The following TOP1MT variants were observed in gnomAD, a reference collection of about 807,000 sequenced individuals.
TOP1MT encodes the protein DNA topoisomerase I, mitochondrial.
Under a neutral mutation model 73.9 loss-of-function variants are expected in TOP1MT, and 80 were observed. The ratio of observed to expected loss-of-function variants is 1.08; its 90% CI spans 0.90 to 1.30. The LOEUF (loss-of-function observed/expected upper bound fraction) is 1.30, where lower values mean the gene tolerates loss of function less well. Among genes scored for constraint, TOP1MT ranks in the 50% most tolerant of loss-of-function variants. TOP1MT has a pLI of 0.00. For synonymous variants in TOP1MT, 338 were observed against 326.4 expected, an observed-to-expected ratio of 1.04 and a Z score of -0.38; for missense variants, 815 against 808.0, an observed-to-expected ratio of 1.01 and a Z score of -0.10.
intron 1 of TOP1MT, among the ~76,000 whole-genome samples, chr8:143,352,627 T>G (rs1023783115): frequency 6.6e-6 from 1 of 152,206 alleles, no homozygotes; most frequent in African/African-American, 2.4e-5. Flanking sequence ...TCATGGTTTT[T>G]GGGTTGGTTG....
At chr8:143,347,692 C>CAGG (rs1563773691), upstream of TOP1MT, among the ~76,000 whole-genome samples, 5 of 22,228 alleles carry the variant, frequency 2.2e-4, no homozygotes, top group African/African-American at 3.4e-4. Context: ...AGGCAGGCAG[C>CAGG]CAGCCAGCCA....
upstream of TOP1MT, among the ~76,000 whole-genome samples, chr8:143,347,345 C>T (rs919262225): frequency 6.6e-6 from 1 of 152,176 alleles, no homozygotes; most frequent in African/African-American, 2.4e-5. Flanking sequence ...TTAGTAGAGA[C>T]AGGGTTTCAC....
At chr8:143,338,396 C>T (rs969692418), upstream of TOP1MT, among the ~76,000 whole-genome samples, 12 of 151,982 alleles carry the variant, frequency 7.9e-5, no homozygotes, top group African/African-American at 2.7e-4. Context: ...GGAGAAACCC[C>T]GTCTCTACTA....
At chr8:143,358,755 C>A (rs1817454152), upstream of TOP1MT, 1 of 152,118 alleles carries the variant, frequency 6.6e-6, no homozygotes, top group Non-Finnish European at 1.5e-5. Context: ...GCAGCAGGGA[C>A]ACTGCTGCAC....
At chr8:143,317,679 G>A in intron 10 of TOP1MT, 44 bp downstream of exon 10, 1 of 1,441,340 alleles carries the variant, frequency 6.9e-7, no homozygotes, top group Non-Finnish European at 9.2e-7. Context: ...TGGGGCAGGG[G>A]CCGTGCTCCC....
At chr8:143,345,338 A>T (rs1817202414), upstream of TOP1MT, among the ~76,000 whole-genome samples, 1 of 102,668 alleles carries the variant, frequency 9.7e-6, no homozygotes, top group South Asian at 4.1e-4. Flanking sequence ...GCAGGTCCAC[A>T]GGGCATCCCT....
rs1816379704 is a variant in TOP1MT at position 143,321,638 on chromosome 8, ACGC to A, written c.961-255_961-253del. ...CGCCACACGCACGCCACACACAGGCACGCCACACACAGGCACGCCACACACACG... is the reference window on the plus strand; with the variant it reads ...CGCCACACGCACGCCACACACAGGCACACACACAGGCACGCCACACACACG... On this transcript the variant is annotated intron_variant, in intron 7 of 13. Transcript: ENST00000329245. 8.8e-5 allele frequency among the ~76,000 whole-genome samples: 6 copies of A among 67,934 alleles called. 1 individual carries two copies. The East Asian group carries it at 4.6e-3, about 52-fold the overall frequency. The allele number at this position is 67,934 out of a possible 152,430, so 44.6% of individuals were successfully genotyped here.
rs1014411415 is a variant in TOP1MT at position 143,353,369 on chromosome 8, C to T, written c.-39+2596G>A. On this transcript the variant is annotated intron_variant, in intron 1 of 5. Coordinates refer to the TOP1MT transcript ENST00000518760. ...AGTTCAAGGCTGCAGTGAGCTATGA[C>T]GGTGTCACTGCACTCCAGCCTGGGC... 6.0e-5 allele frequency among the ~76,000 whole-genome samples: 9 copies of T among 150,418 alleles called. No individual in the cohort carries two copies. In the South Asian group the frequency reaches 1.9e-3, roughly 31 times the overall value.
chr8:143,325,560 A>G (rs766079725), intron 4 of TOP1MT, 27 bp from the exon 5 acceptor site: 13 of 1,594,110 alleles, frequency 8.2e-6, no homozygotes, highest in Non-Finnish European at 3.4e-6. Context: ...GTCAGTGGAC[A>G]TTAGCAGTGA....
intron 1 of TOP1MT, among the ~76,000 whole-genome samples, chr8:143,351,446 T>C (rs1039697044): frequency 8.6e-5 from 13 of 151,908 alleles, no homozygotes; most frequent in South Asian, 2.1e-4. Context: ...GAGTGACGCA[T>C]GCCTGTAATC....
chr8:143,310,259 A>G, intron 12 of TOP1MT, 42 bp from the exon 13 acceptor site: 1 of 1,435,520 alleles, frequency 7.0e-7, no homozygotes, highest in South Asian at 1.4e-5. Context: ...GCGCTGGACT[A>G]GCGCCACCTG....
upstream of TOP1MT, among the ~76,000 whole-genome samples, chr8:143,345,286 C>T (rs1380930963): frequency 6.6e-6 from 1 of 152,232 alleles, no homozygotes; most frequent in Non-Finnish European, 1.5e-5. Flanking sequence ...CACTGGCAGC[C>T]GAGGTCACCC....
chr8:143,321,844 C>CACACAG (rs1491335517), intron 7 of TOP1MT, among the ~76,000 whole-genome samples: 23 of 103,748 alleles, frequency 2.2e-4, no homozygotes, highest in African/African-American at 9.3e-4. Context: ...ACACGCCACA[C>CACACAG]GCACGCCACA....
intron 8 of TOP1MT, among the ~76,000 whole-genome samples, chr8:143,319,300 T>A (rs961744960): frequency 2.0e-5 from 3 of 152,080 alleles, no homozygotes; most frequent in African/African-American, 7.2e-5. Context: ...TTTATTTTTT[T>A]TTTTAATTTT....
intron 3 of TOP1MT, 64 bp downstream of exon 3, chr8:143,329,286 C>T: frequency 6.6e-7 from 1 of 1,504,778 alleles, no homozygotes; most frequent in South Asian, 1.4e-5. Flanking sequence ...GGCAGCACTG[C>T]AGAACCGCAG....
At chr8:143,355,870 A>C (rs1195771564) in intron 1 of TOP1MT, 1 of 152,334 alleles carries the variant, frequency 6.6e-6, no homozygotes, top group Non-Finnish European at 1.5e-5. Flanking sequence ...TCTCAGGACG[A>C]AAGCTGATCT....
intron 2 of TOP1MT, among the ~76,000 whole-genome samples, chr8:143,330,923 G>T (rs1259978683): frequency 2.2e-5 from 3 of 138,652 alleles, no homozygotes; most frequent in Non-Finnish European, 4.7e-5. Context: ...AACACACAGG[G>T]AACACAGTGG....
chr8:143,359,567 G>A (rs189355858), upstream of TOP1MT, among the ~76,000 whole-genome samples: 4 of 150,994 alleles, frequency 2.6e-5, no homozygotes, highest in Admixed American at 6.6e-5. Context: ...AGAGGACACC[G>A]AGCGGGAGGG....
At position 143,321,201 on chromosome 8, in the gene TOP1MT, C is replaced by A. The variant is rs374030470; in HGVS notation, c.1146G>T (p.Pro382=). The A allele has an allele frequency of 1.3e-6, 2 of 1,589,310 alleles. No homozygotes were observed. Among genetic ancestry groups the A allele is most frequent in the Non-Finnish European group, 1.7e-6 (2 of 1,164,276 alleles). Residue 382 remains proline, a splice_region_variant and synonymous_variant, in exon 8 of 14, where the codon CCG becomes CCT. Coordinates refer to ENST00000329245, the MANE Select transcript of TOP1MT (RefSeq NM_052963.3). ...GGGCAGCTGGCGCGAGGGCACTCACCGGCTTCTCCACCGGCACTCTGTTGT... is the reference window on the plus strand; with the variant it reads ...GGGCAGCTGGCGCGAGGGCACTCACAGGCTTCTCCACCGGCACTCTGTTGT... ...RYYNRVPVEK[P]VYKNLQLFME... is the part of the protein sequence containing the mutation.
Sources: allele counts gnomAD v4.1 joint callset (sites outside exome capture counted in the v4.1 genomes callset), GRCh38; gene constraint gnomAD v4.1.1; transcripts MANE v1.5; gene names NCBI Gene and HGNC (gene_info 2026-07-23, HGNC 2026-07-21).